Variants in DYRK1A observed in about 807,000 individuals in gnomAD.
DYRK1A encodes dual specificity tyrosine phosphorylation regulated kinase 1A.
Under a neutral mutation model 79.7 loss-of-function variants are expected in DYRK1A, and 9 were observed. The ratio of observed to expected loss-of-function variants is 0.11; its 90% CI spans 0.07 to 0.20. The LOEUF (loss-of-function observed/expected upper bound fraction) is 0.20. DYRK1A is among the 10% of genes least tolerant of loss of function. The probability of loss-of-function intolerance (pLI) is 1.00; values close to 1 mark genes in which losing one functional copy is unlikely to be tolerated. For synonymous variants in DYRK1A, 349 were observed against 329.7 expected, an observed-to-expected ratio of 1.06 and a Z score of -0.63; for missense variants, 622 against 956.0, an observed-to-expected ratio of 0.65 and a Z score of 4.61.
At chr21:37,402,094 T>C (rs1031984994) in intron 1 of DYRK1A, among the ~76,000 whole-genome samples, 1 of 152,190 alleles carries the variant, frequency 6.6e-6, no homozygotes, top group Non-Finnish European at 1.5e-5. Flanking sequence ...CTCCTACTTA[T>C]ATTATACATT....
chr21:37,406,787 CTATA>C (rs899737279), intron 1 of DYRK1A, among the ~76,000 whole-genome samples: 2 of 147,088 alleles, frequency 1.4e-5, no homozygotes, highest in Non-Finnish European at 3.0e-5. Context: ...ATATACATCT[CTATA>C]TATGTATATA....
intron 2 of DYRK1A, among the ~76,000 whole-genome samples, chr21:37,451,057 T>C (rs1262325289): frequency 6.6e-6 from 1 of 152,086 alleles, no homozygotes; most frequent in Non-Finnish European, 1.5e-5. Context: ...TTGAGAAAAA[T>C]GTTTAAAAAG....
At chr21:37,472,505 T>C (rs2052258043) in intron 2 of DYRK1A, among the ~76,000 whole-genome samples, 179 bp from the exon 3 acceptor site, 1 of 152,238 alleles carries the variant, frequency 6.6e-6, no homozygotes, top group African/African-American at 2.4e-5. Flanking sequence ...TCACTATGGA[T>C]CTTCTATACC....
intron 5 of DYRK1A, among the ~76,000 whole-genome samples, chr21:37,484,572 G>A (rs778828078): frequency 4.4e-4 from 67 of 152,124 alleles, no homozygotes; most frequent in African/African-American, 2.6e-4. Flanking sequence ...CAGGTGATCC[G>A]CCTGCCTTGG....
In DYRK1A at chr21:37,465,441, T is replaced by C. The variant is rs1248685497; in HGVS notation, c.11-7243T>C. Among the ~76,000 whole-genome samples the C allele has an allele frequency of 2.6e-5, 4 of 152,234 alleles. No individual in the cohort carries two copies. In the East Asian group the frequency reaches 7.7e-4, roughly 29 times the overall value. On this transcript the variant is annotated intron_variant, in intron 2 of 11. Transcript: ENST00000647188. ...GTTTAGATAGACTATAACTTATTTTTGGATTATCCACTACTTGAATTAGTT... is the reference window on the plus strand; with the variant it reads ...GTTTAGATAGACTATAACTTATTTTCGGATTATCCACTACTTGAATTAGTT...
intron 1 of DYRK1A, among the ~76,000 whole-genome samples, chr21:37,405,795 A>G (rs1215241843): frequency 6.6e-6 from 1 of 152,188 alleles, no homozygotes; most frequent in Non-Finnish European, 1.5e-5. Flanking sequence ...TTTGAACACT[A>G]TACTGTGAAG....
intron 9 of DYRK1A, among the ~76,000 whole-genome samples, chr21:37,498,341 A>T (rs1041326782): frequency 3.3e-5 from 5 of 152,162 alleles, no homozygotes; most frequent in Non-Finnish European, 7.4e-5. Context: ...TATCATTCCA[A>T]ATCCTCTTGT....
chr21:37,393,190 A>G (rs2049902780), intron 1 of DYRK1A, among the ~76,000 whole-genome samples: 1 of 152,206 alleles, frequency 6.6e-6, no homozygotes, highest in South Asian at 2.1e-4. Flanking sequence ...TGCTTGCCAC[A>G]TGATGTGTAG....
chr21:37,439,638 G>A (rs2051031756), intron 2 of DYRK1A, among the ~76,000 whole-genome samples: 1 of 152,170 alleles, frequency 6.6e-6, no homozygotes, highest in African/African-American at 2.4e-5. Context: ...AATGCCTGAT[G>A]ATCTGAGGTA....
chr21:37,370,821 A>C (rs2049414746), intron 1 of DYRK1A, among the ~76,000 whole-genome samples: 10 of 152,206 alleles, frequency 6.6e-5, no homozygotes, highest in Admixed American at 5.9e-4. Context: ...TTTAGAAGTA[A>C]AGATATTACG....
Position 37,446,408 on chromosome 21 carries a change from CAAAATG to C in DYRK1A, c.10+26031_10+26036del, listed in dbSNP as rs145630996. ...TAACAAGTTGCATTTTCAAGAAATT[CAAAATG>C]AAAATGGCCTACTAAGGTCTGTGGG... On this transcript the variant is annotated intron_variant, in intron 2 of 11. Transcript: ENST00000647188. 9.1e-3 allele frequency among the ~76,000 whole-genome samples: 1,378 copies of C among 152,112 alleles called. 19 individuals are homozygous for C. Among genetic ancestry groups the C allele is most frequent in the African/African-American group, 0.032 (1,321 of 41,484 alleles).
intron 6 of DYRK1A, 48 bp downstream of exon 6, chr21:37,486,662 C>G (rs1171772002): frequency 1.2e-5 from 16 of 1,382,162 alleles, no homozygotes; most frequent in Non-Finnish European, 1.5e-5. Context: ...CACACCAAAA[C>G]TTTGAGTTAA....
chr21:37,519,736 G>GTTTTTTTTGTTTTTTTTTTTTTTTT lies in DYRK1A; in HGVS notation c.*7213_*7214insGTTTTTTTTTTTTTTTTTTTTTTTT, dbSNP rs58947386. On this transcript the variant is annotated 3_prime_UTR_variant, in exon 12 of 12. Coordinates refer to ENST00000647188, the MANE Select transcript of DYRK1A (RefSeq NM_001347721.2). The stretch of plus-strand genomic sequence containing the variant: ...AGAGTTTTGAGGTTTGTTGTGGGAA[G>GTTTTTTTTGTTTTTTTTTTTTTTTT]TTTTTTTTTTTTTTTTTTTTTTTGA... 224 of 85,798 alleles carry GTTTTTTTTGTTTTTTTTTTTTTTTT rather than the reference G, an allele frequency of 2.6e-3. 9 individuals are homozygous for GTTTTTTTTGTTTTTTTTTTTTTTTT. The highest frequency in any genetic ancestry group is 0.01 in the African/African-American group (216 of 20,610). 5.3% of individuals were successfully genotyped at this position (85,798 alleles called of 1,614,324 possible).
At chr21:37,376,497 T>A (rs889177941) in intron 1 of DYRK1A, among the ~76,000 whole-genome samples, 54 of 150,182 alleles carry the variant, frequency 3.6e-4, no homozygotes, top group Admixed American at 1.3e-4. Flanking sequence ...TTCGTCTCAA[T>A]TTTTTTTTTA....
At chr21:37,406,465 G>A (rs1471797081) in intron 1 of DYRK1A, among the ~76,000 whole-genome samples, 1 of 152,138 alleles carries the variant, frequency 6.6e-6, no homozygotes, top group Non-Finnish European at 1.5e-5. Context: ...GGAGGCTGAG[G>A]CAGATGGATC....
At chr21:37,494,040 C>G (rs921370327) in intron 8 of DYRK1A, among the ~76,000 whole-genome samples, 1 of 146,974 alleles carries the variant, frequency 6.8e-6, no homozygotes, top group Non-Finnish European at 1.5e-5. Context: ...TACAGGCAAG[C>G]GCCACTATGC....
chr21:37,376,810 C>G (rs1456883831), intron 1 of DYRK1A, among the ~76,000 whole-genome samples: 1 of 152,030 alleles, frequency 6.6e-6, no homozygotes, highest in Non-Finnish European at 1.5e-5. Context: ...AAGAGATCCA[C>G]AAGTAGTATA....
intron 5 of DYRK1A, 174 bp from the exon 6 acceptor site, chr21:37,486,291 AGT>A: frequency 2.5e-6 from 1 of 400,012 alleles, no homozygotes; most frequent in Non-Finnish European, 4.4e-6. Context: ...CTGTGTAATA[AGT>A]GGATATATAT....
At chr21:37,406,949 T>C (rs527600467) in intron 1 of DYRK1A, among the ~76,000 whole-genome samples, 1 of 150,968 alleles carries the variant, frequency 6.6e-6, no homozygotes, top group African/African-American at 2.4e-5. Context: ...TTTTTTTTTT[T>C]TTTTAAAGTC....
Sources: allele counts gnomAD v4.1 joint callset (sites outside exome capture counted in the v4.1 genomes callset), GRCh38; gene constraint gnomAD v4.1.1; transcripts MANE v1.5; gene names NCBI Gene and HGNC (gene_info 2026-07-23, HGNC 2026-07-21).